The following SPATA31E1 variants were observed in gnomAD, a reference collection of about 807,000 sequenced individuals.
SPATA31E1 encodes the protein SPATA31 subfamily E member 1, also known as spermatogenesis-associated protein 31E1.
Under a neutral mutation model 12.9 loss-of-function variants are expected in SPATA31E1, and 7 were observed. The ratio of observed to expected loss-of-function variants is 0.54; its 90% CI spans 0.31 to 1.02. SPATA31E1 has a LOEUF of 1.02. SPATA31E1 is among the 50% of genes least tolerant of loss of function. The pLI is 0.05. For synonymous variants in SPATA31E1, 771 were observed against 719.0 expected (o/e 1.07, Z -1.16); for missense variants, 1,961 against 1,799.8 (o/e 1.09, Z -1.62).
At position 87,888,731 on chromosome 9, in the gene SPATA31E1, C is replaced by T; in HGVS notation, c.4244C>T (p.Pro1415Leu). ...AGGGAGCCTGTGTCCCCAGCTGGTC[C>T]CCACCACCACAGGCCAAGAATGGCA... ...PPREPVSPAG[P>L]HHHRPRMAST... Residue 1415 changes from proline (P) to leucine (L), a missense_variant, in exon 4 of 4, where the codon CCC becomes CTC. Pro to Leu is a moderately conservative substitution (Grantham distance 98). Coordinates refer to ENST00000325643, the MANE Select transcript of SPATA31E1 (RefSeq NM_178828.5). 1 of 1,613,826 alleles carries T rather than the reference C, an allele frequency of 6.2e-7. No homozygotes were observed. The highest frequency in any genetic ancestry group is 8.5e-7 in the Non-Finnish European group (1 of 1,180,010).
Position 87,882,888 on chromosome 9 carries a change from G to A in SPATA31E1, c.-4G>A, listed in dbSNP as rs369766003. 3 of 1,609,246 alleles carry A rather than the reference G, an allele frequency of 1.9e-6. No individual in the cohort carries two copies. Among genetic ancestry groups the A allele is most frequent in the Non-Finnish European group, 2.5e-6 (3 of 1,177,264 alleles). ...GATGCCCAGAGCTCAGTTGCTTGAA[G>A]GCGATGGGAAATCTCGTCATCCCTC... On this transcript the variant is annotated 5_prime_UTR_variant, in exon 1 of 4. Coordinates refer to ENST00000325643, the MANE Select transcript of SPATA31E1 (RefSeq NM_178828.5).
rs1159337575 is a variant in SPATA31E1, at chr9:87,887,320, C to T, written c.2833C>T (p.Arg945Ter). ...GTCCCAGTCAGCTGATACCCATGGG[C>T]GATCAGAGGCCTTTCCGACTGGACA... ...RGSQSADTHG[R>*]SEAFPTGHKG... is the part of the protein sequence containing the mutation. The change falls in exon 4 of 4, where the codon CGA becomes TGA. Residue 945 changes from arginine (R) to a stop codon, truncating the protein, a stop_gained. Coordinates refer to ENST00000325643, the MANE Select transcript of SPATA31E1 (RefSeq NM_178828.5). LOFTEE classifies it low-confidence loss of function (END_TRUNC). The T allele has an allele frequency of 3.1e-6, 5 of 1,613,608 alleles. No homozygotes were observed. Among genetic ancestry groups the T allele is most frequent in the African/African-American group, 2.7e-5 (2 of 74,886 alleles).
chr9:87,883,111 T>C lies in SPATA31E1; in HGVS notation c.220T>C (p.Cys74Arg). 1 of 1,605,914 alleles carries C rather than the reference T, an allele frequency of 6.2e-7. No individual in the cohort carries two copies. The highest frequency in any genetic ancestry group is 8.5e-7 in the Non-Finnish European group (1 of 1,176,118). Residue 74 changes from cysteine to arginine, a missense_variant, in exon 1 of 4, where the codon TGT becomes CGT. Coordinates refer to ENST00000325643, the MANE Select transcript of SPATA31E1 (RefSeq NM_178828.5). Reference protein sequence around the residue: ...WMMDFILTSVCGLVLLFLLLL... With the variant: ...WMMDFILTSVRGLVLLFLLLL... ...GATGGATTTCATCCTCACCAGTGTG[T>C]GTGGCCTAGTGCTCCTCTTCCTATT...
chr9:87,884,136 G>C, intron 2 of SPATA31E1, 90 bp downstream of exon 2: 5 of 1,457,668 alleles, frequency 3.4e-6, no homozygotes, highest in Middle Eastern at 1.8e-4. Context: ...TGAGAGGGAA[G>C]CTCCTGGGAG....
rs750893812 is a variant in SPATA31E1, at chr9:87,885,445, A to G, written c.958A>G (p.Thr320Ala). ...REAATTWGLS[T>A]YSHGKSQPRH... ...GGCTGCCACCACCTGGGGCCTCTCC[A>G]CCTACTCACATGGCAAATCCCAGCC... Residue 320 changes from threonine (T) to alanine (A), a missense_variant, in exon 4 of 4, where the codon ACC (threonine) becomes GCC (alanine). Physicochemically the swap from Thr to Ala is moderately conservative, Grantham distance 58 (BLOSUM62 0). Coordinates refer to ENST00000325643, the MANE Select transcript of SPATA31E1 (RefSeq NM_178828.5). The G allele has an allele frequency of 2.5e-6, 4 of 1,613,684 alleles. No individual in the cohort carries two copies. Among genetic ancestry groups the G allele is most frequent in the East Asian group, 4.5e-5 (2 of 44,868 alleles).
Position 87,888,735 on chromosome 9 carries a change from C to A in SPATA31E1, c.4248C>A (p.His1416Gln). ...AGCCTGTGTCCCCAGCTGGTCCCCA[C>A]CACCACAGGCCAAGAATGGCAAGCA... ...PREPVSPAGP[H>Q]HHRPRMASTS... is the part of the protein sequence containing the mutation. The change falls in exon 4 of 4, where the codon CAC becomes CAA. Residue 1416 changes from histidine to glutamine, a missense_variant. By Grantham distance (24) the His-to-Gln change is conservative. Transcript: ENST00000325643. The A allele has an allele frequency of 6.2e-7, 1 of 1,613,794 alleles. No individual in the cohort carries two copies. The highest frequency in any genetic ancestry group is 8.5e-7 in the Non-Finnish European group (1 of 1,180,004).
In SPATA31E1 at chr9:87,886,651, TCAGG is replaced by T. The variant is rs1564129014; in HGVS notation, c.2165_2168del (p.Ser722Ter). ...GCCGGACCCAAGCCGGGATCAAGGCTCAGGAAGGACCTCAGTGAAGGCTCTGGAC... is the reference window on the plus strand; with the variant it reads ...GCCGGACCCAAGCCGGGATCAAGGCTAAGGACCTCAGTGAAGGCTCTGGAC... On this transcript the variant is annotated frameshift_variant, in exon 4 of 4. Coordinates refer to ENST00000325643, the MANE Select transcript of SPATA31E1 (RefSeq NM_178828.5). LOFTEE classifies it low-confidence loss of function (END_TRUNC). 1 of 1,613,870 alleles carries T rather than the reference TCAGG, an allele frequency of 6.2e-7. No individual in the cohort carries two copies.
chr9:87,888,741 C>T lies in SPATA31E1; in HGVS notation c.4254C>T (p.His1418=). The T allele has an allele frequency of 3.1e-6, 5 of 1,613,798 alleles. No homozygotes were observed. The highest frequency in any genetic ancestry group is 3.4e-6 in the Non-Finnish European group (4 of 1,180,008). ...TGTCCCCAGCTGGTCCCCACCACCA[C>T]AGGCCAAGAATGGCAAGCACCTCGG... ...EPVSPAGPHH[H]RPRMASTSGG... The change falls in exon 4 of 4, where the codon CAC becomes CAT. Residue 1418 remains histidine (H), a synonymous_variant. Transcript: ENST00000325643.
chr9:87,885,387 C>G lies in SPATA31E1; in HGVS notation c.900C>G (p.Ser300Arg). ...TRVISGLGCS[S>R]DPIWDLYCWR... ...TGATCTCTGGCCTGGGGTGCTCCAG[C>G]GATCCCATCTGGGACCTCTATTGCT... The change falls in exon 4 of 4, where the codon AGC becomes AGG. Residue 300 changes from serine (S) to arginine (R), a missense_variant. Coordinates refer to ENST00000325643, the MANE Select transcript of SPATA31E1 (RefSeq NM_178828.5). The G allele has an allele frequency of 6.2e-7, 1 of 1,613,850 alleles. No homozygotes were observed. Among genetic ancestry groups the G allele is most frequent in the Non-Finnish European group, 8.5e-7 (1 of 1,179,868 alleles).
At position 87,887,605 on chromosome 9, in the gene SPATA31E1, G is replaced by GA. The variant is rs762571713; in HGVS notation, c.3119dup (p.Lys1041GlufsTer35). 35 of 1,614,066 alleles carry GA rather than the reference G, an allele frequency of 2.2e-5. No individual in the cohort carries two copies. The highest frequency in any genetic ancestry group is 2.7e-5 in the Non-Finnish European group (32 of 1,180,036). On this transcript the variant is annotated frameshift_variant, in exon 4 of 4. Coordinates refer to ENST00000325643, the MANE Select transcript of SPATA31E1 (RefSeq NM_178828.5). LOFTEE classifies it low-confidence loss of function (END_TRUNC). The stretch of plus-strand genomic sequence containing the variant: ...TGCCCTGCAGGCACTGAAAGTGGGG[G>GA]AGAAGCCCCCAACTTGGGAAGTCAC...
At position 87,885,202 on chromosome 9, in the gene SPATA31E1, C is replaced by A. The variant is rs1564127942; in HGVS notation, c.715C>A (p.His239Asn). ...CCTAAAATGCCCTGCAACCCAGCCA[C>A]ATGTGGTTTTTCCTCCTTCACCACA... Reference protein sequence around the residue: ...LPLKCPATQPHVVFPPSPQPH... With the variant: ...LPLKCPATQPNVVFPPSPQPH... Residue 239 changes from histidine to asparagine, a missense_variant, in exon 4 of 4, where the codon CAT becomes AAT. Coordinates refer to ENST00000325643, the MANE Select transcript of SPATA31E1 (RefSeq NM_178828.5). 6.2e-7 allele frequency: 1 copy of A among 1,614,138 alleles called. No homozygotes were observed. Among genetic ancestry groups the A allele is most frequent in the Non-Finnish European group, 8.5e-7 (1 of 1,180,012 alleles).
chr9:87,888,147 G>T lies in SPATA31E1; in HGVS notation c.3660G>T (p.Lys1220Asn). The T allele has an allele frequency of 6.2e-7, 1 of 1,611,248 alleles. No individual in the cohort carries two copies. Among genetic ancestry groups the T allele is most frequent in the East Asian group, 2.2e-5 (1 of 44,746 alleles). The change falls in exon 4 of 4, where the codon AAG (lysine) becomes AAT (asparagine). Residue 1220 changes from lysine to asparagine, a missense_variant. Physicochemically the swap from Lys to Asn is moderately conservative, Grantham distance 94. Coordinates refer to ENST00000325643, the MANE Select transcript of SPATA31E1 (RefSeq NM_178828.5). Reference sequence around the variant, plus strand: ...CAGGGGAGCAGGGACACAGGTCCAAGGGACCCAGGACCTCTGAAGCCAGTG... The same window carrying T: ...CAGGGGAGCAGGGACACAGGTCCAATGGACCCAGGACCTCTGAAGCCAGTG... ...PRTGEQGHRS[K>N]GPRTSEASGR...
Position 87,885,367 on chromosome 9 carries a change from T to C in SPATA31E1, c.880T>C (p.Ser294Pro). Residue 294 changes from serine to proline, a missense_variant, in exon 4 of 4, where the codon TCT becomes CCT. Coordinates refer to ENST00000325643, the MANE Select transcript of SPATA31E1 (RefSeq NM_178828.5). Reference sequence around the variant, plus strand: ...GCTGCCTCCTCCAACCAGGGTGATCTCTGGCCTGGGGTGCTCCAGCGATCC... The same window carrying C: ...GCTGCCTCCTCCAACCAGGGTGATCCCTGGCCTGGGGTGCTCCAGCGATCC... ...QVLPPPTRVISGLGCSSDPIW... is the reference protein window; with the variant it reads ...QVLPPPTRVIPGLGCSSDPIW... 1 of 1,613,960 alleles carries C rather than the reference T, an allele frequency of 6.2e-7. No individual in the cohort carries two copies.
rs1027460327 is a variant in SPATA31E1 at position 87,886,053 on chromosome 9, G to C, written c.1566G>C (p.Gln522His). The C allele has an allele frequency of 1.9e-6, 3 of 1,612,698 alleles. No individual in the cohort carries two copies. Among genetic ancestry groups the C allele is most frequent in the African/African-American group, 1.3e-5 (1 of 74,832 alleles). Residue 522 changes from glutamine (Q) to histidine (H), a missense_variant, in exon 4 of 4, where the codon CAG (glutamine) becomes CAC (histidine). Coordinates refer to ENST00000325643, the MANE Select transcript of SPATA31E1 (RefSeq NM_178828.5). ...QSQPPPLAEI[Q>H]TQAHLSPPVP... The stretch of plus-strand genomic sequence containing the variant: ...AGCCCCCACCTTTGGCTGAGATCCA[G>C]ACCCAGGCCCACCTCTCACCCCCTG...
chr9:87,886,094 G>A lies in SPATA31E1; in HGVS notation c.1607G>A (p.Cys536Tyr). 6.2e-7 allele frequency: 1 copy of A among 1,607,208 alleles called. No homozygotes were observed. Among genetic ancestry groups the A allele is most frequent in the Non-Finnish European group, 8.5e-7 (1 of 1,175,936 alleles). ...TCACCCCCTGTCCCAAGCCTGGGGT[G>A]CTCTTCTCCACCCCAGATTAGGGGC... is the stretch of plus-strand genomic sequence containing the variant. Reference protein sequence around the residue: ...HLSPPVPSLGCSSPPQIRGCG... With the variant: ...HLSPPVPSLGYSSPPQIRGCG... Residue 536 changes from cysteine to tyrosine, a missense_variant, in exon 4 of 4, where the codon TGC (cysteine) becomes TAC (tyrosine). By Grantham distance (194) the Cys-to-Tyr change is radical (BLOSUM62 -2). Coordinates refer to ENST00000325643, the MANE Select transcript of SPATA31E1 (RefSeq NM_178828.5).
Position 87,888,761 on chromosome 9 carries a change from C to A in SPATA31E1, c.4274C>A (p.Thr1425Asn), listed in dbSNP as rs1016790742. Residue 1425 changes from threonine to asparagine, a missense_variant, in exon 4 of 4, where the codon ACC (threonine) becomes AAC (asparagine). Thr to Asn is a moderately conservative substitution (Grantham distance 65). Coordinates refer to ENST00000325643, the MANE Select transcript of SPATA31E1 (RefSeq NM_178828.5). Reference protein sequence around the residue: ...PHHHRPRMASTSGGPHPQLQE... With the variant: ...PHHHRPRMASNSGGPHPQLQE... ...CACCACAGGCCAAGAATGGCAAGCACCTCGGGCGGCCCCCATCCACAGCTG... is the reference window on the plus strand; with the variant it reads ...CACCACAGGCCAAGAATGGCAAGCAACTCGGGCGGCCCCCATCCACAGCTG... The A allele has an allele frequency of 4.3e-6, 7 of 1,613,284 alleles. No homozygotes were observed. The East Asian group carries it at 1.6e-4, about 36-fold the overall frequency.
At chr9:87,884,724 G>GT in intron 3 of SPATA31E1, 73 bp downstream of exon 3, 1 of 1,591,610 alleles carries the variant, frequency 6.3e-7, no homozygotes, top group Non-Finnish European at 8.6e-7. Context: ...CGGCCTGGTG[G>GT]TGATCTGGGA....
In SPATA31E1 at chr9:87,887,295, G is replaced by A. The variant is rs199941470; in HGVS notation, c.2808G>A (p.Gly936=). 15 of 1,613,748 alleles carry A rather than the reference G, an allele frequency of 9.3e-6. No homozygotes were observed. The African/African-American group carries it at 1.9e-4, about 20-fold the overall frequency. Residue 936 remains glycine (G), a synonymous_variant, in exon 4 of 4, where the codon GGG becomes GGA. Coordinates refer to ENST00000325643, the MANE Select transcript of SPATA31E1 (RefSeq NM_178828.5). ...AGGGAGTCCAGAGGCCCCCGAGAGG[G>A]TCCCAGTCAGCTGATACCCATGGGC... The part of the protein sequence containing the change: ...EQEGVQRPPR[G]SQSADTHGRS...
chr9:87,886,932 A>G lies in SPATA31E1; in HGVS notation c.2445A>G (p.Lys815=), dbSNP rs1828288527. The part of the protein sequence containing the change: ...PGKLASWRGG[K]AHVNTSQELS... The stretch of plus-strand genomic sequence containing the variant: ...AGCTGGCATCCTGGAGGGGTGGGAA[A>G]GCCCACGTGAACACCTCCCAGGAGC... Residue 815 remains lysine, a synonymous_variant, in exon 4 of 4, where the codon AAA becomes AAG. Transcript: ENST00000325643. The G allele has an allele frequency of 6.2e-7, 1 of 1,613,988 alleles. No homozygotes were observed. The highest frequency in any genetic ancestry group is 1.7e-5 in the Admixed American group (1 of 60,002).
Sources: gnomAD v4.1 joint callset for allele counts on GRCh38, gnomAD v4.1.1 for gene constraint, MANE v1.5 for transcripts, NCBI Gene and HGNC (gene_info 2026-07-23, HGNC 2026-07-21) for gene names.